Variants in ZNF827 observed in about 807,000 individuals in gnomAD.
The protein encoded by ZNF827 is zinc finger protein 827.
In ZNF827, 13 loss-of-function variants were observed where a neutral mutation model predicts 102.4. The ratio of observed to expected loss-of-function variants is 0.13; its 90% CI spans 0.08 to 0.20. The LOEUF is 0.20. Ranked by LOEUF, ZNF827 falls within the 10% of genes least tolerant of loss-of-function variation. The pLI is 1.00. For synonymous variants in ZNF827, 523 were observed against 536.2 expected (o/e 0.98, Z 0.34); for missense variants, 1,103 against 1,344.4 (o/e 0.82, Z 2.81).
intron 8 of ZNF827, among the ~76,000 whole-genome samples, chr4:145,804,675 T>G (rs1425635705): frequency 6.6e-6 from 1 of 152,210 alleles, no homozygotes; most frequent in Non-Finnish European, 1.5e-5. Flanking sequence ...GTGGCTGTGG[T>G]CATTTTACTT....
chr4:145,915,720 A>G (rs1752620095), intron 1 of ZNF827, among the ~76,000 whole-genome samples: 1 of 152,172 alleles, frequency 6.6e-6, no homozygotes, highest in East Asian at 1.9e-4. Flanking sequence ...TTCTTTCATC[A>G]TCAACTCAAA....
chr4:145,812,968 T>G (rs1742185446), intron 8 of ZNF827, among the ~76,000 whole-genome samples: 1 of 152,174 alleles, frequency 6.6e-6, no homozygotes, highest in African/African-American at 2.4e-5. Context: ...AATAAACATT[T>G]CATAAGTTAA....
At chr4:145,830,953 T>C (rs1744149327) in intron 7 of ZNF827, 1 of 152,346 alleles carries the variant, frequency 6.6e-6, no homozygotes, top group Non-Finnish European at 1.5e-5. Context: ...GCCCAGATAT[T>C]AACATGTTAC....
At chr4:145,898,110 G>T (rs907587067) in intron 2 of ZNF827, among the ~76,000 whole-genome samples, 10 of 152,204 alleles carry the variant, frequency 6.6e-5, no homozygotes, top group African/African-American at 1.9e-4. Context: ...AGCCGAGATC[G>T]CACCACCGCA....
chr4:145,812,720 G>T (rs1161567770), intron 8 of ZNF827, among the ~76,000 whole-genome samples: 1 of 151,706 alleles, frequency 6.6e-6, no homozygotes, highest in Non-Finnish European at 1.5e-5. Context: ...TGGAGATGGG[G>T]TTTCACTGCA....
intron 4 of ZNF827, chr4:145,876,800 T>C (rs1354808697): frequency 6.6e-6 from 1 of 152,224 alleles, no homozygotes; most frequent in Non-Finnish European, 1.5e-5. Context: ...ATGAGGGCAG[T>C]TGCCAAATGT....
chr4:145,851,197 C>T (rs1180036045), intron 5 of ZNF827, among the ~76,000 whole-genome samples: 2 of 152,152 alleles, frequency 1.3e-5, no homozygotes, highest in African/African-American at 4.8e-5. Flanking sequence ...CCTCCAGAAC[C>T]ATGAGAGAAT....
intron 5 of ZNF827, among the ~76,000 whole-genome samples, chr4:145,861,641 T>C (rs1015181416): frequency 2.6e-5 from 4 of 152,104 alleles, no homozygotes; most frequent in Non-Finnish European, 4.4e-5. Flanking sequence ...TTCTTAATTC[T>C]TTTGCTCCAT....
chr4:145,934,775 AAG>A (rs1754041485), intron 1 of ZNF827, among the ~76,000 whole-genome samples: 1 of 152,196 alleles, frequency 6.6e-6, no homozygotes, highest in African/African-American at 2.4e-5. Context: ...CCAACACAGA[AAG>A]AGTCTATAAG....
At chr4:145,844,864 GA>G (rs1244944535) in intron 7 of ZNF827, among the ~76,000 whole-genome samples, 5 of 152,118 alleles carry the variant, frequency 3.3e-5, no homozygotes, top group African/African-American at 9.7e-5. Flanking sequence ...CCACAGGCCT[GA>G]TGATGCTCTG....
At chr4:145,852,196 G>GA (rs911025375) in intron 5 of ZNF827, among the ~76,000 whole-genome samples, 66 of 152,312 alleles carry the variant, frequency 4.3e-4, no homozygotes, top group African/African-American at 1.6e-3. Context: ...AGCAAAGCCA[G>GA]AAAGAAGCTC....
In ZNF827 at chr4:145,902,928, C is replaced by A. The variant is rs777056944; in HGVS notation, c.331G>T (p.Asp111Tyr). 1 of 1,614,034 alleles carries A rather than the reference C, an allele frequency of 6.2e-7. No homozygotes were observed. The highest frequency in any genetic ancestry group is 1.3e-5 in the African/African-American group (1 of 74,910). Residue 111 changes from aspartate to tyrosine, a missense_variant, in exon 2 of 15, where the codon GAT becomes TAT. Around this residue, in one of 5 missense-constraint regions of ZNF827, gnomAD observed 441 missense variants for 458.6 expected, o/e 0.96. Transcript: ENST00000508784. The surrounding 1 kb of genome is among the most constrained non-coding windows in gnomAD (Gnocchi z 4.3). ...AGGGGCTTGTTGGAGCCTGGGTCAT[C>A]GTCACACAAAGAAGACACTCCCGGG... ...LSPGVSSLCD[D>Y]DPGSNKPLSS...
At chr4:145,925,193 A>C (rs1343588539) in intron 1 of ZNF827, among the ~76,000 whole-genome samples, 2 of 152,198 alleles carry the variant, frequency 1.3e-5, no homozygotes, top group Non-Finnish European at 1.5e-5. Flanking sequence ...ATTACCTCGC[A>C]CTAGATCCCT....
At chr4:145,776,262 G>A (rs1237863527) in intron 9 of ZNF827, among the ~76,000 whole-genome samples, 1 of 152,078 alleles carries the variant, frequency 6.6e-6, no homozygotes, top group East Asian at 1.9e-4. Flanking sequence ...CTCGAGACCA[G>A]CCTGGGCATC....
intron 7 of ZNF827, among the ~76,000 whole-genome samples, chr4:145,845,719 T>C (rs1455416507): frequency 6.6e-6 from 1 of 152,190 alleles, no homozygotes; most frequent in Non-Finnish European, 1.5e-5. Context: ...CAATAACATA[T>C]GGAAAATTTC....
intron 1 of ZNF827, among the ~76,000 whole-genome samples, chr4:145,936,359 G>A (rs1353448516): frequency 6.6e-6 from 1 of 152,166 alleles, no homozygotes; most frequent in East Asian, 1.9e-4. Flanking sequence ...CCGCCTGCGA[G>A]TGATTTTATG....
chr4:145,888,280 C>T (rs1216862256), intron 3 of ZNF827, among the ~76,000 whole-genome samples: 1 of 152,134 alleles, frequency 6.6e-6, no homozygotes, highest in African/African-American at 2.4e-5. Context: ...TGCAGTTTTT[C>T]CCCCTTCTCT....
chr4:145,793,449 A>T (rs539992816), intron 8 of ZNF827, among the ~76,000 whole-genome samples: 62 of 150,782 alleles, frequency 4.1e-4, no homozygotes, highest in Non-Finnish European at 7.7e-4. Flanking sequence ...AAACTGAAGA[A>T]CCTGGAGTCT....
chr4:145,789,990 C>A (rs1449120497), intron 8 of ZNF827, among the ~76,000 whole-genome samples: 3 of 152,208 alleles, frequency 2.0e-5, no homozygotes, highest in East Asian at 3.8e-4. Context: ...TATGAAAAAT[C>A]TGAGCACCAA....
Sources: gnomAD v4.1 joint callset for allele counts (sites outside exome capture counted in the v4.1 genomes callset) on GRCh38, gnomAD v4.1.1 for gene constraint, gnomAD v4.1.1 regional missense constraint, Gnocchi (gnomAD v3.1) non-coding constraint, MANE v1.5 for transcripts, NCBI Gene and HGNC (gene_info 2026-07-23, HGNC 2026-07-21) for gene names.